Variants in NCKAP5 observed in about 807,000 individuals in gnomAD.
NCKAP5 encodes the protein NCK associated protein 5, also known as nck-associated protein 5.
A neutral mutation model predicts 167.0 loss-of-function variants in NCKAP5; 92 were observed. That is an observed-to-expected ratio of 0.55 (90% CI 0.47 to 0.66). The LOEUF (loss-of-function observed/expected upper bound fraction) is 0.66, where lower values mean the gene tolerates loss of function less well. Among genes scored for constraint, NCKAP5 ranks in the 30% least tolerant of loss-of-function variants. The probability of loss-of-function intolerance (pLI) is 0.00; values close to 1 mark genes in which losing one functional copy is unlikely to be tolerated. For synonymous variants in NCKAP5, 891 were observed against 877.4 expected, an observed-to-expected ratio of 1.02 and a Z score of -0.27; for missense variants, 2,378 against 2,315.0, an observed-to-expected ratio of 1.03 and a Z score of -0.56.
At chr2:132,750,298 A>G (rs1025070238) in intron 16 of NCKAP5, among the ~76,000 whole-genome samples, 2 of 152,202 alleles carry the variant, frequency 1.3e-5, no homozygotes, top group African/African-American at 2.4e-5. Flanking sequence ...ATTTTGACAT[A>G]AGGCCAATAT....
chr2:133,074,548 G>A (rs1031118690), intron 6 of NCKAP5, among the ~76,000 whole-genome samples: 1 of 152,018 alleles, frequency 6.6e-6, no homozygotes, highest in Non-Finnish European at 1.5e-5. Context: ...TTTTTGTAGA[G>A]AAGGGATTTC....
intron 2 of NCKAP5, among the ~76,000 whole-genome samples, chr2:133,531,269 T>G (rs1685342557): frequency 6.6e-6 from 1 of 152,190 alleles, no homozygotes; most frequent in South Asian, 2.1e-4. Flanking sequence ...GTTATTGCAT[T>G]AATAAATTAC....
intron 4 of NCKAP5, among the ~76,000 whole-genome samples, chr2:133,293,366 C>T (rs1222842402): frequency 2.6e-5 from 4 of 152,026 alleles, no homozygotes; most frequent in Non-Finnish European, 5.9e-5. Context: ...CTCTAGGCAC[C>T]CCCTAATTAG....
intron 6 of NCKAP5, among the ~76,000 whole-genome samples, chr2:133,055,812 T>A (rs1160716771): frequency 1.3e-5 from 2 of 152,170 alleles, no homozygotes; most frequent in African/African-American, 2.4e-5. Flanking sequence ...GGTGAGTAAT[T>A]CAAAAATAAA....
chr2:133,635,766 C>A, the NCKAP5 span, among the ~76,000 whole-genome samples: 1 of 152,110 alleles, frequency 6.6e-6, no homozygotes, highest in African/African-American at 2.4e-5. Flanking sequence ...GATGTAAAAA[C>A]TTATGATAGA....
At chr2:133,654,794 C>T in the NCKAP5 span, among the ~76,000 whole-genome samples, 23 of 152,166 alleles carry the variant, frequency 1.5e-4, no homozygotes, top group Non-Finnish European at 2.4e-4. Flanking sequence ...GGTGAAGGAA[C>T]CACCTGCCAT....
intron 2 of NCKAP5, among the ~76,000 whole-genome samples, chr2:133,532,419 C>T (rs575426576): frequency 1.1e-4 from 16 of 152,224 alleles, no homozygotes; most frequent in Admixed American, 7.8e-4. Flanking sequence ...CAAATTGCTC[C>T]CCAAAAATGA....
At chr2:133,469,350 C>G (rs1004180317) in intron 3 of NCKAP5, among the ~76,000 whole-genome samples, 1 of 152,066 alleles carries the variant, frequency 6.6e-6, no homozygotes, top group African/African-American at 2.4e-5. Flanking sequence ...CCACTCTCTT[C>G]TGGCTTGTAG....
intron 6 of NCKAP5, chr2:133,117,207 G>A (rs1361894100): frequency 6.6e-6 from 1 of 152,174 alleles, no homozygotes; most frequent in African/African-American, 2.4e-5. Context: ...TCATTTCACT[G>A]TTATAACACT....
chr2:133,368,231 C>T (rs1460123482), intron 3 of NCKAP5, among the ~76,000 whole-genome samples: 1 of 152,122 alleles, frequency 6.6e-6, no homozygotes, highest in Non-Finnish European at 1.5e-5. Context: ...AATATGTCCA[C>T]CTTATATGGG....
At chr2:132,725,366 T>A (rs879267628) in intron 19 of NCKAP5, among the ~76,000 whole-genome samples, 20 of 152,296 alleles carry the variant, frequency 1.3e-4, no homozygotes, top group Non-Finnish European at 2.1e-4. Flanking sequence ...TTGAGATAAC[T>A]CAATTGGAGG....
intron 3 of NCKAP5, among the ~76,000 whole-genome samples, chr2:133,367,524 CCA>C (rs1685530446): frequency 6.6e-6 from 1 of 152,128 alleles, no homozygotes; most frequent in Admixed American, 6.6e-5. Context: ...TTAGCTCAAA[CCA>C]GGAAAACAAA....
intron 4 of NCKAP5, among the ~76,000 whole-genome samples, chr2:133,232,221 T>C (rs1036973819): frequency 1.3e-5 from 2 of 152,132 alleles, no homozygotes; most frequent in Non-Finnish European, 2.9e-5. Flanking sequence ...TTTCAGCTAC[T>C]CAGAAGGATT....
At chr2:132,738,275 A>C (rs551649235) in intron 16 of NCKAP5, among the ~76,000 whole-genome samples, 10 of 152,220 alleles carry the variant, frequency 6.6e-5, no homozygotes, top group Admixed American at 3.3e-4. Flanking sequence ...TGGATGACCA[A>C]GACAAAGGAC....
chr2:132,731,755 G>A lies in NCKAP5; in HGVS notation c.5425C>T (p.Pro1809Ser), dbSNP rs758147721. ...ATTTTACCTGAGGAAGCTGGTTTGGGGAGGCGGCTCTGAAGAGGCCTCATC... is the reference window on the plus strand; with the variant it reads ...ATTTTACCTGAGGAAGCTGGTTTGGAGAGGCGGCTCTGAAGAGGCCTCATC... ...RGMRPLQSRL[P>S]KPASSGKVSS... Residue 1809 changes from proline to serine, a missense_variant, in exon 17 of 20, where the codon CCC (proline) becomes TCC (serine). This residue lies in a region of NCKAP5 where 1,325 missense variants were observed against 1,274.5 expected (regional missense o/e 1.04). Coordinates refer to ENST00000409261, the MANE Select transcript of NCKAP5 (RefSeq NM_207363.3). The A allele has an allele frequency of 6.3e-7, 1 of 1,592,944 alleles. No homozygotes were observed. The highest frequency in any genetic ancestry group is 2.3e-5 in the East Asian group (1 of 44,192).
At chr2:132,912,572 C>T (rs995975366) in intron 8 of NCKAP5, among the ~76,000 whole-genome samples, 3 of 152,158 alleles carry the variant, frequency 2.0e-5, no homozygotes, top group African/African-American at 7.2e-5. Context: ...TCCTTTGATG[C>T]TGATTTGCTT....
chr2:133,632,002 G>A, the NCKAP5 span, among the ~76,000 whole-genome samples: 1 of 152,200 alleles, frequency 6.6e-6, no homozygotes, highest in African/African-American at 2.4e-5. Flanking sequence ...TTCAGTAAAT[G>A]ATTCTAGACA....
At chr2:133,669,231 T>A in the NCKAP5 span, among the ~76,000 whole-genome samples, 1 of 152,206 alleles carries the variant, frequency 6.6e-6, no homozygotes, top group South Asian at 2.1e-4. Context: ...CTGTTCTTGC[T>A]GAGATTCAGC....
chr2:133,109,762 GAA>G lies in NCKAP5; in HGVS notation c.341+20214_341+20215del, dbSNP rs35328665. On this transcript the variant is annotated intron_variant, in intron 6 of 19. Coordinates refer to ENST00000409261, the MANE Select transcript of NCKAP5 (RefSeq NM_207363.3). ...TTTCCCAATGGGATCAAGTTTTTCT[GAA>G]AAAAAAAAAACTTACGTAAAACCAA... Among the ~76,000 whole-genome samples the G allele has an allele frequency of 9.8e-5, 14 of 142,450 alleles. No individual in the cohort carries two copies. The East Asian group carries it at 1.6e-3, about 16-fold the overall frequency. 93.5% of individuals were successfully genotyped at this position (142,450 alleles called of 152,430 possible).
Sources: allele counts gnomAD v4.1 joint callset (sites outside exome capture counted in the v4.1 genomes callset), GRCh38; gene constraint gnomAD v4.1.1; regional missense constraint gnomAD v4.1.1; transcripts MANE v1.5; gene names NCBI Gene and HGNC (gene_info 2026-07-23, HGNC 2026-07-21).